The following MYLK4 variants were observed in gnomAD, a reference collection of about 807,000 sequenced individuals.
MYLK4 encodes the protein myosin light chain kinase family member 4.
Under a neutral mutation model 48.1 loss-of-function variants are expected in MYLK4, and 46 were observed. The observed-to-expected ratio is 0.96, with a 90% CI of 0.75 to 1.22. The LOEUF is 1.22. MYLK4 is among the 50% of genes most tolerant of loss of function. The pLI is 0.00. For missense variants in MYLK4, 451 were observed against 486.1 expected (o/e 0.93, Z 0.68); for synonymous variants, 170 against 180.8 (o/e 0.94, Z 0.48).
chr6:2,684,454 T>C (rs1157316432), intron 6 of MYLK4, among the ~76,000 whole-genome samples: 6 of 152,146 alleles, frequency 3.9e-5, no homozygotes, highest in Admixed American at 3.3e-4. Flanking sequence ...CACGATACTA[T>C]ACTTTTTATT....
chr6:2,736,631 G>A (rs1763683568), intron 2 of MYLK4, among the ~76,000 whole-genome samples: 1 of 152,216 alleles, frequency 6.6e-6, no homozygotes, highest in Non-Finnish European at 1.5e-5. Flanking sequence ...GAGCTAGACT[G>A]TATGCCTGGT....
At chr6:2,689,987 C>T (rs1761710643) in intron 3 of MYLK4, among the ~76,000 whole-genome samples, 1 of 152,136 alleles carries the variant, frequency 6.6e-6, no homozygotes, top group African/African-American at 2.4e-5. Flanking sequence ...TGATAACATT[C>T]ACTGTTTCAG....
chr6:2,738,703 A>C (rs1287355104), intron 2 of MYLK4, among the ~76,000 whole-genome samples: 1 of 152,250 alleles, frequency 6.6e-6, no homozygotes, highest in Non-Finnish European at 1.5e-5. Flanking sequence ...CAACCAAAGC[A>C]ACAATCATTA....
At chr6:2,727,336 C>T (rs1018463669) in intron 2 of MYLK4, among the ~76,000 whole-genome samples, 1 of 152,160 alleles carries the variant, frequency 6.6e-6, no homozygotes, top group East Asian at 1.9e-4. Flanking sequence ...GTGCTGTCAG[C>T]CTTAAATGGA....
At chr6:2,711,108 C>T (rs1022423151) in intron 2 of MYLK4, among the ~76,000 whole-genome samples, 2 of 152,182 alleles carry the variant, frequency 1.3e-5, no homozygotes, top group Non-Finnish European at 2.9e-5. Flanking sequence ...TGGGAACATC[C>T]TCCTCCGTGT....
chr6:2,714,936 G>A (rs1469413274), intron 2 of MYLK4, among the ~76,000 whole-genome samples: 2 of 152,170 alleles, frequency 1.3e-5, no homozygotes, highest in Admixed American at 6.5e-5. Context: ...GGTTGCCAGG[G>A]GCTGGGGTCA....
the MYLK4 span, chr6:2,768,570 CATT>C: frequency 4.3e-6 from 3 of 694,838 alleles, no homozygotes; most frequent in Non-Finnish European, 6.8e-6. Flanking sequence ...TGCTGCTCAG[CATT>C]CTTCCGAGGT....
chr6:2,733,199 A>G (rs1254091528), intron 2 of MYLK4, among the ~76,000 whole-genome samples: 1 of 152,222 alleles, frequency 6.6e-6, no homozygotes, highest in Non-Finnish European at 1.5e-5. Context: ...TGCAAACTGT[A>G]AAAGAAGCCA....
intron 12 of MYLK4, among the ~76,000 whole-genome samples, chr6:2,668,390 G>T (rs1426119145): frequency 1.3e-5 from 2 of 152,118 alleles, no homozygotes; most frequent in African/African-American, 4.8e-5. Context: ...TGGCTCTGAG[G>T]AGTACCCTAA....
chr6:2,755,095 T>C (rs1764395766), upstream of MYLK4, among the ~76,000 whole-genome samples: 1 of 152,192 alleles, frequency 6.6e-6, no homozygotes, highest in East Asian at 1.9e-4. Flanking sequence ...ATTAGCTAAG[T>C]ATTACGAAAT....
chr6:2,674,838 T>A (rs1761025901), intron 11 of MYLK4, among the ~76,000 whole-genome samples: 1 of 152,218 alleles, frequency 6.6e-6, no homozygotes, highest in Admixed American at 6.5e-5. Flanking sequence ...GCCATTGCAC[T>A]CTAGTTTGGG....
intron 2 of MYLK4, among the ~76,000 whole-genome samples, chr6:2,723,722 C>T (rs55716178): frequency 0.098 from 14,965 of 152,232 alleles, 802 homozygotes; most frequent in Non-Finnish European, 0.11. Context: ...CCAGTCATCT[C>T]TGGCTAAAGA....
At chr6:2,754,578 A>T (rs1764378863), upstream of MYLK4, among the ~76,000 whole-genome samples, 1 of 152,222 alleles carries the variant, frequency 6.6e-6, no homozygotes, top group South Asian at 2.1e-4. Context: ...TGTGGTAGTG[A>T]TGACTGTACA....
the MYLK4 span, among the ~76,000 whole-genome samples, chr6:2,767,030 T>C: frequency 6.6e-6 from 1 of 152,194 alleles, no homozygotes; most frequent in Admixed American, 6.5e-5. Context: ...AAAACTAACA[T>C]AAAAACTTTT....
chr6:2,690,120 G>T (rs1473022685), intron 3 of MYLK4, among the ~76,000 whole-genome samples: 1 of 152,160 alleles, frequency 6.6e-6, no homozygotes, highest in Non-Finnish European at 1.5e-5. Flanking sequence ...GCCTTAAAAG[G>T]CCCATACAAA....
intron 12 of MYLK4, among the ~76,000 whole-genome samples, chr6:2,669,672 G>T (rs964878984): frequency 6.6e-6 from 1 of 152,162 alleles, no homozygotes; most frequent in Non-Finnish European, 1.5e-5. Context: ...GACGGTGCAG[G>T]ACTGGGGCAC....
At chr6:2,693,444 C>A (rs1761891526) in intron 2 of MYLK4, among the ~76,000 whole-genome samples, 1 of 152,146 alleles carries the variant, frequency 6.6e-6, no homozygotes, top group Admixed American at 6.6e-5. Context: ...TAAATGGAAC[C>A]TTTACAGTGC....
chr6:2,664,480 A>T lies in MYLK4; in HGVS notation c.*3445T>A, dbSNP rs1234543484. 3 of 152,172 alleles carry T rather than the reference A, an allele frequency of 2.0e-5. No individual in the cohort carries two copies. Among genetic ancestry groups the T allele is most frequent in the African/African-American group, 7.2e-5 (3 of 41,438 alleles). 9.4% of individuals were successfully genotyped at this position (152,172 alleles called of 1,614,324 possible). On this transcript the variant is annotated 3_prime_UTR_variant, in exon 13 of 13. Transcript: ENST00000274643. Reference sequence around the variant, plus strand: ...CCCCAGCACACGCATGCACACTGGCACCCGTGCTGCGTGGCTGGGGGAGGG... The same window carrying T: ...CCCCAGCACACGCATGCACACTGGCTCCCGTGCTGCGTGGCTGGGGGAGGG...
chr6:2,727,696 C>A (rs919022453), intron 2 of MYLK4, among the ~76,000 whole-genome samples: 14 of 152,140 alleles, frequency 9.2e-5, no homozygotes, highest in African/African-American at 3.1e-4. Flanking sequence ...CGCCTGTAAT[C>A]CCAGCACTTT....
Sources: allele counts gnomAD v4.1 joint callset (sites outside exome capture counted in the v4.1 genomes callset), GRCh38; gene constraint gnomAD v4.1.1; transcripts MANE v1.5; gene names NCBI Gene and HGNC (gene_info 2026-07-23, HGNC 2026-07-21).